The following ALDH3B1 variants were observed in gnomAD, a reference collection of about 807,000 sequenced individuals.
ALDH3B1 encodes aldehyde dehydrogenase family 3 member B1.
Under a neutral mutation model 46.2 loss-of-function variants are expected in ALDH3B1, and 37 were observed. The ratio of observed to expected loss-of-function variants is 0.80; its 90% CI spans 0.62 to 1.05. ALDH3B1 has a LOEUF of 1.05. Among genes scored for constraint, ALDH3B1 ranks in the 50% least tolerant of loss-of-function variants. The pLI is 0.00. For missense variants in ALDH3B1, 603 were observed against 665.5 expected (o/e 0.91, Z 1.03); for synonymous variants, 283 against 281.0 (o/e 1.01, Z -0.07).
At chr11:68,015,562 G>C in intron 2 of ALDH3B1, 103 bp downstream of exon 2, 1 of 1,486,376 alleles carries the variant, frequency 6.7e-7, no homozygotes, top group Non-Finnish European at 9.2e-7. Flanking sequence ...CCATGAAGCG[G>C]GGCTAAAAGC....
chr11:68,012,927 T>C (rs998159420), intron 1 of ALDH3B1, among the ~76,000 whole-genome samples: 3 of 151,994 alleles, frequency 2.0e-5, no homozygotes, highest in Non-Finnish European at 4.4e-5. Context: ...GTGGGGTGAA[T>C]AGTGGTCCCT....
chr11:68,013,611 G>A (rs1857279566), intron 1 of ALDH3B1, among the ~76,000 whole-genome samples: 1 of 152,242 alleles, frequency 6.6e-6, no homozygotes, highest in African/African-American at 2.4e-5. Flanking sequence ...AATGTTTTAT[G>A]CAGCGTGATG....
At position 68,018,912 on chromosome 11, in the gene ALDH3B1, C is replaced by A; in HGVS notation, c.394+19C>A. The A allele has an allele frequency of 6.5e-7, 1 of 1,548,680 alleles. No individual in the cohort carries two copies. Among genetic ancestry groups the A allele is most frequent in the Non-Finnish European group, 8.7e-7 (1 of 1,146,338 alleles). ...GCTGCAGGTGAGAGCTGGGCCTGCC[C>A]CTTCCGGTCACCCTTCTCCGCTCGA... On this transcript the variant is annotated intron_variant, in intron 4 of 9. Coordinates refer to ENST00000342456, the MANE Select transcript of ALDH3B1 (RefSeq NM_000694.4).
rs572300887 is a variant in ALDH3B1 at position 68,011,648 on chromosome 11, TC to T, written c.-2+1257del. On this transcript the variant is annotated intron_variant, in intron 1 of 9. Transcript: ENST00000342456. ...GAAGTTGGCCTAGTGATCCCCGCCT[TC>T]TGGCTGCCCTGATGGGGGTCCCCCA... Among the ~76,000 whole-genome samples the T allele has an allele frequency of 2.4e-4, 36 of 152,320 alleles. No individual in the cohort carries two copies. In the South Asian group the frequency reaches 7.2e-3, roughly 31 times the overall value.
chr11:68,020,636 C>A lies in ALDH3B1; in HGVS notation c.562+840C>A, dbSNP rs150653677. The stretch of plus-strand genomic sequence containing the variant: ...AGGTCGAGGCAGTCGTGGGGAAGGG[C>A]CTGGCAGGATTGACCTGGCCGCCTC... On this transcript the variant is annotated intron_variant, in intron 6 of 9. Transcript: ENST00000342456. Among the ~76,000 whole-genome samples, 224 of 152,302 alleles carry A rather than the reference C, an allele frequency of 1.5e-3. 2 individuals carry two copies. The highest frequency in any genetic ancestry group is 5.3e-3 in the African/African-American group (221 of 41,554).
chr11:68,020,189 T>G (rs561700600), intron 6 of ALDH3B1, among the ~76,000 whole-genome samples: 2 of 152,218 alleles, frequency 1.3e-5, no homozygotes, highest in East Asian at 3.9e-4. Context: ...GGCTGGAATG[T>G]GCACACAAGC....
At position 68,027,891 on chromosome 11, in the gene ALDH3B1, G is replaced by T; in HGVS notation, c.1359G>T (p.Met453Ile). 1 of 1,562,142 alleles carries T rather than the reference G, an allele frequency of 6.4e-7. No homozygotes were observed. Among genetic ancestry groups the T allele is most frequent in the Non-Finnish European group, 8.6e-7 (1 of 1,156,682 alleles). ...CGCAATCGCCGCGCCGCCTGAGGAT[G>T]CTGCTGGTGGCCATGGAGGCCCAAG... Reference protein sequence around the residue: ...YPPQSPRRLRMLLVAMEAQGC... With the variant: ...YPPQSPRRLRILLVAMEAQGC... The change falls in exon 10 of 10, where the codon ATG (methionine) becomes ATT (isoleucine). Residue 453 changes from methionine to isoleucine, a missense_variant. Coordinates refer to ENST00000342456, the MANE Select transcript of ALDH3B1 (RefSeq NM_000694.4).
intron 9 of ALDH3B1, 137 bp downstream of exon 9, chr11:68,026,245 G>A (rs535152235): frequency 7.2e-5 from 49 of 683,978 alleles, no homozygotes; most frequent in Admixed American, 2.1e-4. Flanking sequence ...CCCAGAACCC[G>A]CATCCTGCTC....
intron 8 of ALDH3B1, among the ~76,000 whole-genome samples, chr11:68,023,970 TAA>T (rs34271562): frequency 1.3e-4 from 17 of 135,122 alleles, no homozygotes; most frequent in East Asian, 4.3e-4. Flanking sequence ...TCCTGACCCA[TAA>T]AAAAAAAAAA....
At chr11:68,023,499 T>C (rs1256556650) in intron 8 of ALDH3B1, among the ~76,000 whole-genome samples, 1 of 150,842 alleles carries the variant, frequency 6.6e-6, no homozygotes, top group Non-Finnish European at 1.5e-5. Context: ...GAGATGGGGT[T>C]TTGCCACATT....
chr11:68,014,227 T>C (rs1243642215), intron 1 of ALDH3B1, among the ~76,000 whole-genome samples: 1 of 151,710 alleles, frequency 6.6e-6, no homozygotes, highest in Non-Finnish European at 1.5e-5. Flanking sequence ...GTGGACAGGG[T>C]TGGGAGGTGG....
chr11:68,021,969 C>T, intron 7 of ALDH3B1, 98 bp downstream of exon 7: 1 of 1,506,700 alleles, frequency 6.6e-7, no homozygotes, highest in Non-Finnish European at 8.9e-7. Flanking sequence ...GCGCCTGAAA[C>T]CTGGCCCCAC....
rs775125715 is a variant in ALDH3B1, at chr11:68,022,695, G to A, written c.1050G>A (p.Glu350=). ...LPIVNVQSLD[E]AIEFINRREK... is the part of the protein sequence containing the mutation. ...TCGTGAACGTGCAGAGCTTGGACGAGGCCATCGAGTTCATCAACCGGCGGG... is the reference window on the plus strand; with the variant it reads ...TCGTGAACGTGCAGAGCTTGGACGAAGCCATCGAGTTCATCAACCGGCGGG... Residue 350 remains glutamate, a synonymous_variant, in exon 8 of 10, where the codon GAG becomes GAA. Transcript: ENST00000342456. 2.9e-5 allele frequency: 47 copies of A among 1,614,062 alleles called. No homozygotes were observed. Among genetic ancestry groups the A allele is most frequent in the Middle Eastern group, 1.6e-4 (1 of 6,074 alleles).
intron 4 of ALDH3B1, 135 bp from the exon 5 acceptor site, chr11:68,019,035 C>G (rs1857423446): frequency 6.9e-7 from 1 of 1,454,800 alleles, no homozygotes; most frequent in Non-Finnish European, 9.2e-7. Flanking sequence ...CTGTGTGGCC[C>G]TGGGCCCGTC....
Position 68,015,326 on chromosome 11 carries a change from G to A in ALDH3B1, c.29G>A (p.Arg10Gln), listed in dbSNP as rs758669358. 10 of 1,517,220 alleles carry A rather than the reference G, an allele frequency of 6.6e-6. No individual in the cohort carries two copies. The highest frequency in any genetic ancestry group is 2.5e-5 in the South Asian group (2 of 79,484). The allele number at this position is 1,517,220 out of a possible 1,614,324, so 94.0% of individuals were successfully genotyped here. A position where few individuals can be genotyped will look rare whatever the true frequency, so the allele number is the denominator to read the frequency against. MDPLGDTLR[R>Q]LREAFHAGRT... ...GACCCCCTTGGGGACACGCTGCGGC[G>A]ACTGCGGGAGGCCTTCCACGCGGGG... is the stretch of plus-strand genomic sequence containing the variant. Residue 10 changes from arginine (R) to glutamine (Q), a missense_variant, in exon 2 of 10, where the codon CGA (arginine) becomes CAA (glutamine). Coordinates refer to ENST00000342456, the MANE Select transcript of ALDH3B1 (RefSeq NM_000694.4).
intron 2 of ALDH3B1, chr11:68,018,236 C>T: frequency 2.2e-6 from 1 of 452,118 alleles, no homozygotes. Context: ...TCCACCCCCA[C>T]CCTGCTCCAT....
intron 8 of ALDH3B1, among the ~76,000 whole-genome samples, chr11:68,023,785 T>C (rs1857559935): frequency 1.3e-5 from 2 of 151,998 alleles, no homozygotes; most frequent in African/African-American, 4.8e-5. Flanking sequence ...CTCACACCTG[T>C]AATCTCAGCA....
intron 9 of ALDH3B1, among the ~76,000 whole-genome samples, chr11:68,027,508 CTG>C (rs1293029583): frequency 6.6e-6 from 1 of 152,216 alleles, no homozygotes; most frequent in African/African-American, 2.4e-5. Flanking sequence ...CAGTCTGACT[CTG>C]GAATCCATGC....
chr11:68,021,436 G>C, intron 6 of ALDH3B1, 49 bp from the exon 7 acceptor site: 1 of 1,570,806 alleles, frequency 6.4e-7, no homozygotes, highest in Non-Finnish European at 8.6e-7. Context: ...GGGCCATCCC[G>C]CCTGGTCCAG....
Sources: allele counts gnomAD v4.1 joint callset (sites outside exome capture counted in the v4.1 genomes callset), GRCh38; gene constraint gnomAD v4.1.1; transcripts MANE v1.5; gene names NCBI Gene and HGNC (gene_info 2026-07-23, HGNC 2026-07-21).